NELL2: variants seen among roughly 807,000 people sequenced by gnomAD.
The protein encoded by NELL2 is protein kinase C-binding protein NELL2.
A neutral mutation model predicts 109.6 loss-of-function variants in NELL2; 41 were observed. The ratio of observed to expected loss-of-function variants is 0.37; its 90% CI spans 0.29 to 0.49. The LOEUF is 0.49. Among genes scored for constraint, NELL2 ranks in the 20% least tolerant of loss-of-function variants. The probability of loss-of-function intolerance (pLI) is 0.98; values close to 1 mark genes in which losing one functional copy is unlikely to be tolerated. For missense variants in NELL2, 900 were observed against 1,008.3 expected, an observed-to-expected ratio of 0.89 and a Z score of 1.45; for synonymous variants, 355 against 344.7, an observed-to-expected ratio of 1.03 and a Z score of -0.33.
chr12:44,742,071 G>A lies in NELL2; in HGVS notation c.995-27330C>T, dbSNP rs61499919. ...TGGGAGGCACCCCCCAGTAGGGGTG[G>A]ACTGACACCTCACACAGCCGGGTAC... is the stretch of plus-strand genomic sequence containing the variant. On this transcript the variant is annotated intron_variant, in intron 9 of 19. Transcript: ENST00000429094. Among the ~76,000 whole-genome samples, 29 of 152,234 alleles carry A rather than the reference G, an allele frequency of 1.9e-4. No individual in the cohort carries two copies. The East Asian group carries it at 4.8e-3, about 25-fold the overall frequency.
At chr12:44,561,220 A>G (rs1943456507) in intron 15 of NELL2, among the ~76,000 whole-genome samples, 1 of 152,226 alleles carries the variant, frequency 6.6e-6, no homozygotes, top group Non-Finnish European at 1.5e-5. Flanking sequence ...CACAGCCAAT[A>G]TCATACTGAA....
chr12:44,887,440 C>A (rs991189655), intron 1 of NELL2, among the ~76,000 whole-genome samples: 7 of 151,916 alleles, frequency 4.6e-5, no homozygotes, highest in African/African-American at 1.7e-4. Context: ...TCCATTATTG[C>A]CTGTCTTTTT....
chr12:44,755,193 G>T (rs1940830175), intron 9 of NELL2, among the ~76,000 whole-genome samples: 1 of 151,384 alleles, frequency 6.6e-6, no homozygotes. Context: ...CATGCCCCAT[G>T]GACTTCCCAA....
Position 44,876,163 on chromosome 12 carries a change from C to G in NELL2, c.-294G>C. The stretch of plus-strand genomic sequence containing the variant: ...GGGTCGGACTCGCCCCGGCGCGGCT[C>G]CGTCGGGGAATTAGCTCCCGAGCCG... On this transcript the variant is annotated 5_prime_UTR_variant, in exon 1 of 20. Coordinates refer to ENST00000429094, the MANE Select transcript of NELL2 (RefSeq NM_001145108.2). 2 of 1,260,158 alleles carry G rather than the reference C, an allele frequency of 1.6e-6. No homozygotes were observed. The highest frequency in any genetic ancestry group is 4.5e-5 in the South Asian group (2 of 44,930). 78.1% of individuals were successfully genotyped at this position (1,260,158 alleles called of 1,614,324 possible). A position where few individuals can be genotyped will look rare whatever the true frequency, so the allele number is the denominator to read the frequency against.
intron 9 of NELL2, among the ~76,000 whole-genome samples, chr12:44,773,507 G>A (rs1470014523): frequency 1.3e-5 from 2 of 151,892 alleles, no homozygotes; most frequent in Admixed American, 6.6e-5. Flanking sequence ...AAGGCAAAAA[G>A]TATGATTCCT....
chr12:44,615,594 A>C (rs745822984), intron 13 of NELL2, among the ~76,000 whole-genome samples: 3 of 152,128 alleles, frequency 2.0e-5, no homozygotes, highest in Non-Finnish European at 4.4e-5. Flanking sequence ...CAACATATTT[A>C]ATGCTTGTGT....
intron 12 of NELL2, among the ~76,000 whole-genome samples, chr12:44,702,065 G>T (rs1383051719): frequency 6.6e-6 from 1 of 152,000 alleles, no homozygotes; most frequent in Non-Finnish European, 1.5e-5. Context: ...TTCTATCCAA[G>T]ATTATTACAT....
chr12:44,539,370 G>T (rs1357030975), intron 15 of NELL2, among the ~76,000 whole-genome samples: 1 of 151,966 alleles, frequency 6.6e-6, no homozygotes, highest in Non-Finnish European at 1.5e-5. Context: ...ACAAACACAA[G>T]AAATTGGCGG....
intron 3 of NELL2, among the ~76,000 whole-genome samples, chr12:44,815,650 G>A (rs147483923): frequency 1.3e-4 from 20 of 152,108 alleles, no homozygotes; most frequent in African/African-American, 3.9e-4. Flanking sequence ...ACGGAGTCTC[G>A]CTCTGTTACC....
At chr12:44,678,174 TAG>T (rs1948379751) in intron 12 of NELL2, among the ~76,000 whole-genome samples, 1 of 151,922 alleles carries the variant, frequency 6.6e-6, no homozygotes, top group South Asian at 2.1e-4. Context: ...GCAGCAAAAC[TAG>T]AGGAGTGTTG....
At chr12:44,682,880 T>C (rs113456019) in intron 12 of NELL2, among the ~76,000 whole-genome samples, 8,975 of 152,278 alleles carry the variant, frequency 0.059, 884 homozygotes, top group African/African-American at 0.2. Context: ...TCTTTTGGCT[T>C]AGGATTGACA....
At chr12:44,734,693 C>T (rs906896268) in intron 9 of NELL2, among the ~76,000 whole-genome samples, 5 of 151,706 alleles carry the variant, frequency 3.3e-5, no homozygotes, top group South Asian at 2.1e-4. Context: ...ATAATAGAAG[C>T]GTCTTAAAAT....
intron 1 of NELL2, among the ~76,000 whole-genome samples, chr12:44,908,522 G>C (rs1274999339): frequency 6.6e-6 from 1 of 151,842 alleles, no homozygotes; most frequent in Non-Finnish European, 1.5e-5. Context: ...GGATGAGTGA[G>C]GAAGAATGGA....
intron 3 of NELL2, among the ~76,000 whole-genome samples, chr12:44,783,058 C>T (rs1328508946): frequency 6.6e-6 from 1 of 151,716 alleles, no homozygotes; most frequent in African/African-American, 2.4e-5. Context: ...GCTTTCCAAC[C>T]ACAACAGAAT....
intron 12 of NELL2, among the ~76,000 whole-genome samples, chr12:44,689,433 C>T (rs1169495658): frequency 6.6e-6 from 1 of 152,100 alleles, no homozygotes; most frequent in Non-Finnish European, 1.5e-5. Flanking sequence ...CTTCAGTAGC[C>T]TTGTTTCTGT....
At chr12:44,556,300 G>A (rs973382389) in intron 15 of NELL2, among the ~76,000 whole-genome samples, 6 of 152,198 alleles carry the variant, frequency 3.9e-5, no homozygotes, top group Non-Finnish European at 7.3e-5. Context: ...GAAAGCAGGT[G>A]CTTACCCAGA....
intron 15 of NELL2, among the ~76,000 whole-genome samples, chr12:44,566,588 GGAGCTACAATAATTT>G (rs1310106601): frequency 6.8e-6 from 1 of 147,938 alleles, no homozygotes; most frequent in African/African-American, 2.6e-5. Flanking sequence ...AATAGCAATA[GGAGCTACAATAATTT>G]GACCTATATT....
At chr12:44,846,439 AG>A (rs1944372908) in intron 2 of NELL2, among the ~76,000 whole-genome samples, 1 of 152,186 alleles carries the variant, frequency 6.6e-6, no homozygotes, top group South Asian at 2.1e-4. Flanking sequence ...CTGCTAAGAG[AG>A]TCCTCCATTT....
chr12:44,578,844 G>A (rs1308517773), intron 15 of NELL2, among the ~76,000 whole-genome samples: 1 of 152,062 alleles, frequency 6.6e-6, no homozygotes, highest in African/African-American at 2.4e-5. Context: ...TTAAGGTGAT[G>A]GTCAATAATT....
Sources: gnomAD v4.1 joint callset for allele counts (sites outside exome capture counted in the v4.1 genomes callset) on GRCh38, gnomAD v4.1.1 for gene constraint, MANE v1.5 for transcripts, NCBI Gene and HGNC (gene_info 2026-07-23, HGNC 2026-07-21) for gene names.